ZFPM2: variants seen among roughly 807,000 people sequenced by gnomAD.
ZFPM2 encodes zinc finger protein ZFPM2.
Under a neutral mutation model 98.6 loss-of-function variants are expected in ZFPM2, and 20 were observed. The ratio of observed to expected loss-of-function variants is 0.20; its 90% confidence interval spans 0.14 to 0.29. ZFPM2 has a LOEUF of 0.29. Ranked by LOEUF, ZFPM2 falls within the 10% of genes least tolerant of loss-of-function variation. The pLI is 1.00. For missense variants in ZFPM2, 1,310 were observed against 1,388.6 expected, an observed-to-expected ratio of 0.94 and a Z score of 0.90; for synonymous variants, 518 against 502.7, an observed-to-expected ratio of 1.03 and a Z score of -0.41.
chr8:105,689,183 C>T (rs1302684110), intron 5 of ZFPM2, among the ~76,000 whole-genome samples: 1 of 152,128 alleles, frequency 6.6e-6, no homozygotes, highest in East Asian at 1.9e-4. Context: ...CCTTCTGTAA[C>T]CACCTCAACC....
chr8:105,595,939 T>C (rs1815959978), intron 4 of ZFPM2, among the ~76,000 whole-genome samples: 1 of 151,438 alleles, frequency 6.6e-6, no homozygotes, highest in Non-Finnish European at 1.5e-5. Flanking sequence ...CTAAAATCTA[T>C]GTGTATTTCA....
intron 5 of ZFPM2, among the ~76,000 whole-genome samples, chr8:105,647,448 T>C (rs577192135): frequency 1.3e-5 from 2 of 151,990 alleles, no homozygotes; most frequent in Admixed American, 6.6e-5. Flanking sequence ...TACCTATGTA[T>C]ACATGTGCCA....
chr8:105,766,502 C>T (rs560030363), intron 5 of ZFPM2, among the ~76,000 whole-genome samples: 25 of 151,810 alleles, frequency 1.6e-4, no homozygotes, highest in African/African-American at 3.1e-4. Context: ...TGCATAAGTG[C>T]GCAGCTCTGG....
At chr8:105,413,263 A>G (rs1035817035) in intron 1 of ZFPM2, among the ~76,000 whole-genome samples, 1 of 151,852 alleles carries the variant, frequency 6.6e-6, no homozygotes, top group Non-Finnish European at 1.5e-5. Flanking sequence ...CTTCCTTTTC[A>G]TCACATAGAA....
At chr8:105,644,995 T>C (rs182221987) in intron 5 of ZFPM2, among the ~76,000 whole-genome samples, 1 of 152,204 alleles carries the variant, frequency 6.6e-6, no homozygotes, top group Non-Finnish European at 1.5e-5. Context: ...TATTTGATAT[T>C]TGATTATTGA....
At chr8:105,601,638 T>A (rs1364006991) in intron 4 of ZFPM2, among the ~76,000 whole-genome samples, 2 of 151,980 alleles carry the variant, frequency 1.3e-5, no homozygotes, top group African/African-American at 4.8e-5. Flanking sequence ...TTCCCCCTAT[T>A]TTTCTTCTAT....
In ZFPM2 at chr8:105,637,371, C is replaced by G. The variant is rs183286051; in HGVS notation, c.532+3014C>G. On this transcript the variant is annotated intron_variant, in intron 5 of 7. Transcript: ENST00000407775. ...TTCCCAAAATGTATTTCATGGAACC[C>G]TAAGATTAAAGAAAAAGCCCCATGA... Among the ~76,000 whole-genome samples the G allele has an allele frequency of 1.4e-4, 21 of 152,126 alleles. 1 individual carries two copies. The highest frequency in any genetic ancestry group is 5.1e-4 in the African/African-American group (21 of 41,526).
chr8:105,407,393 A>T (rs1250536387), intron 1 of ZFPM2, among the ~76,000 whole-genome samples: 2 of 151,986 alleles, frequency 1.3e-5, no homozygotes, highest in Non-Finnish European at 2.9e-5. Flanking sequence ...AACCAAAAGC[A>T]AACTAAAGAA....
intron 5 of ZFPM2, among the ~76,000 whole-genome samples, chr8:105,753,680 G>A (rs1432982202): frequency 6.6e-6 from 1 of 152,070 alleles, no homozygotes; most frequent in Non-Finnish European, 1.5e-5. Flanking sequence ...AAACATGTTA[G>A]TAAGAAAATA....
chr8:105,712,938 A>T (rs1265036399), intron 5 of ZFPM2, among the ~76,000 whole-genome samples: 1 of 151,834 alleles, frequency 6.6e-6, no homozygotes. Flanking sequence ...TTCACCACAG[A>T]TAGGCTCTTC....
chr8:105,419,292 T>C lies in ZFPM2; in HGVS notation c.189T>C (p.Phe63=). ...TGAGCTGCGAAGAAGTGGAATACTT[T>C]TGTAACAAAGGTAATTGTTGATGGT... ...ENLSCEEVEY[F]CNKGDDEGIQ... Residue 63 remains phenylalanine (F), a synonymous_variant, in exon 2 of 8, where the codon TTT becomes TTC. Coordinates refer to ENST00000407775, the MANE Select transcript of ZFPM2 (RefSeq NM_012082.4). 1 of 1,613,290 alleles carries C rather than the reference T, an allele frequency of 6.2e-7. No individual in the cohort carries two copies. Among genetic ancestry groups the C allele is most frequent in the Non-Finnish European group, 8.5e-7 (1 of 1,179,552 alleles).
chr8:105,395,940 C>T (rs183817428), intron 1 of ZFPM2, among the ~76,000 whole-genome samples: 2 of 152,264 alleles, frequency 1.3e-5, no homozygotes, highest in East Asian at 3.9e-4. Flanking sequence ...CTTCATATTA[C>T]GACTTCTGAG....
At chr8:105,759,456 C>T (rs1310725645) in intron 5 of ZFPM2, among the ~76,000 whole-genome samples, 1 of 151,998 alleles carries the variant, frequency 6.6e-6, no homozygotes, top group Non-Finnish European at 1.5e-5. Context: ...CAGCTCAAAT[C>T]CCATCTCTTT....
At chr8:105,779,611 C>A (rs1035411236) in intron 5 of ZFPM2, among the ~76,000 whole-genome samples, 1 of 152,192 alleles carries the variant, frequency 6.6e-6, no homozygotes, top group African/African-American at 2.4e-5. Context: ...GAAGCTTTGT[C>A]AGCTCTGTAA....
At chr8:105,787,762 C>A (rs866973436) in intron 5 of ZFPM2, among the ~76,000 whole-genome samples, 1 of 151,864 alleles carries the variant, frequency 6.6e-6, no homozygotes, top group African/African-American at 2.4e-5. Flanking sequence ...TATAACATAT[C>A]AAGTATGCTG....
At chr8:105,404,583 T>C (rs748524216) in intron 1 of ZFPM2, among the ~76,000 whole-genome samples, 2 of 152,110 alleles carry the variant, frequency 1.3e-5, no homozygotes, top group Non-Finnish European at 2.9e-5. Context: ...ACAGCTCACT[T>C]CGAGTCATGT....
intron 1 of ZFPM2, among the ~76,000 whole-genome samples, chr8:105,372,004 A>AATTATTATT (rs139489210): frequency 3.0e-4 from 44 of 145,740 alleles, no homozygotes; most frequent in Middle Eastern, 3.6e-3. Context: ...AAAATAGTGA[A>AATTATTATT]ATTATTATTA....
intron 3 of ZFPM2, among the ~76,000 whole-genome samples, chr8:105,447,306 G>A (rs1449263152): frequency 1.3e-5 from 2 of 151,292 alleles, no homozygotes; most frequent in African/African-American, 4.8e-5. Flanking sequence ...CAAAAAATTT[G>A]GAAGTTTGGC....
At chr8:105,565,074 C>T (rs577784977) in intron 4 of ZFPM2, among the ~76,000 whole-genome samples, 6 of 151,864 alleles carry the variant, frequency 4.0e-5, no homozygotes, top group African/African-American at 9.7e-5. Context: ...GGTGTTGGCT[C>T]GGGAGATTCA....
Sources: gnomAD v4.1 joint callset for allele counts (sites outside exome capture counted in the v4.1 genomes callset) on GRCh38, gnomAD v4.1.1 for gene constraint, MANE v1.5 for transcripts, NCBI Gene and HGNC (gene_info 2026-07-23, HGNC 2026-07-21) for gene names.